MIS18A: variants seen among roughly 807,000 people sequenced by gnomAD.
MIS18A encodes the protein MIS18 kinetochore protein A, also known as protein Mis18-alpha.
MIS18A carries 14 observed loss-of-function variants against 25.0 expected under a neutral mutation model. The observed-to-expected ratio is 0.56, with a 90% CI of 0.37 to 0.88. The LOEUF is 0.88. Among genes scored for constraint, MIS18A ranks in the 40% least tolerant of loss-of-function variants. MIS18A has a pLI of 0.00. For missense variants in MIS18A, 292 were observed against 290.8 expected, an observed-to-expected ratio of 1.00 and a Z score of -0.03; for synonymous variants, 134 against 118.6, an observed-to-expected ratio of 1.13 and a Z score of -0.84.
the MIS18A span, chr21:32,156,406 A>T: frequency 2.0e-5 from 3 of 152,170 alleles, no homozygotes; most frequent in Admixed American, 2.0e-4. Context: ...AAAAGTACTC[A>T]CAGTTTTTGC....
chr21:32,161,139 T>C, the MIS18A span, among the ~76,000 whole-genome samples: 1 of 152,254 alleles, frequency 6.6e-6, no homozygotes, highest in East Asian at 1.9e-4. Context: ...AATTAACGAA[T>C]TGATAGTGAT....
At chr21:32,266,350 T>A (rs1412727796), downstream of MIS18A, among the ~76,000 whole-genome samples, 1 of 152,158 alleles carries the variant, frequency 6.6e-6, no homozygotes, top group Non-Finnish European at 1.5e-5. Context: ...CAGCAGGATG[T>A]GGGTGGGGCC....
the MIS18A span, among the ~76,000 whole-genome samples, chr21:32,203,315 A>G: frequency 1.3e-5 from 2 of 152,138 alleles, no homozygotes; most frequent in East Asian, 3.9e-4. Context: ...AACTTAAGAA[A>G]ATTAGTTTCT....
At chr21:32,262,495 G>A in the MIS18A span, among the ~76,000 whole-genome samples, 4 of 152,320 alleles carry the variant, frequency 2.6e-5, no homozygotes, top group South Asian at 2.1e-4. Context: ...GGTGGACAAC[G>A]GTTAATGGAG....
At chr21:32,200,302 G>A in the MIS18A span, among the ~76,000 whole-genome samples, 3 of 152,200 alleles carry the variant, frequency 2.0e-5, no homozygotes. Flanking sequence ...GAGAACAAGT[G>A]TGTCTTCATA....
At chr21:32,201,226 T>C in the MIS18A span, among the ~76,000 whole-genome samples, 1 of 152,056 alleles carries the variant, frequency 6.6e-6, no homozygotes, top group Non-Finnish European at 1.5e-5. Context: ...TAGCCACTCA[T>C]GGGGATCCGC....
At chr21:32,182,642 C>T in the MIS18A span, among the ~76,000 whole-genome samples, 1 of 152,134 alleles carries the variant, frequency 6.6e-6, no homozygotes, top group East Asian at 1.9e-4. Flanking sequence ...AAGCAGACAG[C>T]CCTAGGGTGC....
chr21:32,166,426 G>A, the MIS18A span, among the ~76,000 whole-genome samples: 1 of 152,296 alleles, frequency 6.6e-6, no homozygotes, highest in Non-Finnish European at 1.5e-5. Context: ...TTTGATTCTA[G>A]GGCTGGGACA....
At chr21:32,164,967 T>A in the MIS18A span, among the ~76,000 whole-genome samples, 8 of 152,168 alleles carry the variant, frequency 5.3e-5, no homozygotes, top group Admixed American at 1.3e-4. Flanking sequence ...AATAAGCAGG[T>A]ACAAGACATT....
chr21:32,194,257 C>T, the MIS18A span, among the ~76,000 whole-genome samples: 3 of 152,030 alleles, frequency 2.0e-5, no homozygotes, highest in Non-Finnish European at 4.4e-5. Context: ...AGCACTATTC[C>T]CAATGGCAAA....
chr21:32,274,701 C>A, intron 2 of MIS18A, 129 bp downstream of exon 2: 1 of 716,534 alleles, frequency 1.4e-6, no homozygotes. Context: ...CTGATATATG[C>A]GAACGACTGA....
chr21:32,192,013 G>C, the MIS18A span, among the ~76,000 whole-genome samples: 1 of 152,170 alleles, frequency 6.6e-6, no homozygotes, highest in South Asian at 2.1e-4. Context: ...AAACAAAGGT[G>C]ACACAAATGT....
chr21:32,209,934 G>A, the MIS18A span, among the ~76,000 whole-genome samples: 10 of 152,196 alleles, frequency 6.6e-5, no homozygotes, highest in Admixed American at 2.6e-4. Context: ...CCTAGTCTTG[G>A]GTATGTCTTT....
chr21:32,154,686 T>C, the MIS18A span, among the ~76,000 whole-genome samples: 1 of 151,984 alleles, frequency 6.6e-6, no homozygotes, highest in African/African-American at 2.4e-5. Flanking sequence ...CCGACTTTTG[T>C]GTTGCACCAT....
downstream of MIS18A, among the ~76,000 whole-genome samples, chr21:32,265,556 G>A (rs1009686423): frequency 3.9e-5 from 6 of 152,236 alleles, no homozygotes; most frequent in Non-Finnish European, 8.8e-5. Context: ...CCAGGCCTTA[G>A]CTGCCTTCCC....
At chr21:32,252,616 C>T in the MIS18A span, among the ~76,000 whole-genome samples, 1 of 152,306 alleles carries the variant, frequency 6.6e-6, no homozygotes, top group Admixed American at 6.5e-5. Context: ...CTCCAGCATA[C>T]CCGCTGTCAG....
At chr21:32,181,527 C>A in the MIS18A span, among the ~76,000 whole-genome samples, 1 of 152,066 alleles carries the variant, frequency 6.6e-6, no homozygotes, top group Non-Finnish European at 1.5e-5. Context: ...CTTCTACCAC[C>A]CACACTGCTT....
downstream of MIS18A, among the ~76,000 whole-genome samples, chr21:32,263,930 G>A (rs1450613674): frequency 1.3e-5 from 2 of 150,974 alleles, no homozygotes; most frequent in African/African-American, 4.9e-5. Context: ...TTTCATAATT[G>A]GCTCTCCCCT....
the MIS18A span, among the ~76,000 whole-genome samples, chr21:32,234,485 G>A: frequency 6.6e-6 from 1 of 152,208 alleles, no homozygotes; most frequent in Non-Finnish European, 1.5e-5. Flanking sequence ...TTAGGAAAGA[G>A]GTAGTGCCAG....
Sources: allele counts gnomAD v4.1 joint callset (sites outside exome capture counted in the v4.1 genomes callset), GRCh38; gene constraint gnomAD v4.1.1; transcripts MANE v1.5; gene names NCBI Gene and HGNC (gene_info 2026-07-23, HGNC 2026-07-21).